Variants in ZC3H11A observed in about 807,000 individuals in gnomAD.
ZC3H11A encodes the protein zinc finger CCCH-type containing 11A.
ZC3H11A carries 22 observed loss-of-function variants against 90.8 expected under a neutral mutation model. The observed-to-expected ratio is 0.24, with a 90% confidence interval of 0.17 to 0.35. The LOEUF (loss-of-function observed/expected upper bound fraction) is 0.35, where lower values mean the gene tolerates loss of function less well. ZC3H11A is among the 10% of genes least tolerant of loss of function. The probability of loss-of-function intolerance (pLI) is 1.00; values close to 1 mark genes in which losing one functional copy is unlikely to be tolerated. For missense variants in ZC3H11A, 701 were observed against 964.9 expected (o/e 0.73, Z 3.62); for synonymous variants, 294 against 339.8 (o/e 0.87, Z 1.48).
chr1:203,814,243 C>G (rs139413988), intron 2 of ZC3H11A, among the ~76,000 whole-genome samples: 1 of 152,176 alleles, frequency 6.6e-6, no homozygotes, highest in Non-Finnish European at 1.5e-5. Context: ...ATAACCTTTC[C>G]GGCCAGGCGC....
chr1:203,837,941 TAAAC>T (rs1258237384), intron 10 of ZC3H11A, 21 bp from the exon 11 acceptor site: 3 of 1,598,362 alleles, frequency 1.9e-6, no homozygotes, highest in Non-Finnish European at 2.6e-6. Flanking sequence ...CTTGAAATCT[TAAAC>T]TAAGTTCTCC....
At chr1:203,848,231 C>T (rs1368692251) in intron 13 of ZC3H11A, 100 bp from the exon 14 acceptor site, 9 of 955,982 alleles carry the variant, frequency 9.4e-6, no homozygotes, top group East Asian at 5.0e-5. Context: ...TTTATTTGTC[C>T]TGTCTTACTA....
In ZC3H11A at chr1:203,848,426, T is replaced by C; in HGVS notation, c.1623+19T>C. On this transcript the variant is annotated intron_variant, in intron 14 of 17. Transcript: ENST00000367210. Reference sequence around the variant, plus strand: ...TAAAGAGGTAAATTTAAGATTATTGTATGGTTTTGTTCATGGCAAACAAAG... The same window carrying C: ...TAAAGAGGTAAATTTAAGATTATTGCATGGTTTTGTTCATGGCAAACAAAG... 6 of 1,589,824 alleles carry C rather than the reference T, an allele frequency of 3.8e-6. No homozygotes were observed. The highest frequency in any genetic ancestry group is 4.3e-6 in the Non-Finnish European group (5 of 1,165,064).
chr1:203,797,928 T>C, intron 1 of ZC3H11A: 2 of 1,536,132 alleles, frequency 1.3e-6, no homozygotes, highest in Non-Finnish European at 1.7e-6. Context: ...CTCCATTGTG[T>C]GGCACTTCTT....
chr1:203,827,405 G>T (rs964037129), intron 4 of ZC3H11A, among the ~76,000 whole-genome samples: 1 of 151,204 alleles, frequency 6.6e-6, no homozygotes, highest in African/African-American at 2.4e-5. Flanking sequence ...GACTGGCCGG[G>T]TGCGGTGGCT....
intron 9 of ZC3H11A, 124 bp downstream of exon 9, chr1:203,831,895 AATCTAAAGATG>A: frequency 1.4e-6 from 1 of 724,078 alleles, no homozygotes. Flanking sequence ...CTGATGAGAT[AATCTAAAGATG>A]AAAAGTTGGT....
At chr1:203,804,333 T>C (rs1284289809) in intron 2 of ZC3H11A, among the ~76,000 whole-genome samples, 1 of 152,026 alleles carries the variant, frequency 6.6e-6, no homozygotes, top group Non-Finnish European at 1.5e-5. Context: ...TTTGTATTTT[T>C]AGTAGAGACG....
intron 8 of ZC3H11A, among the ~76,000 whole-genome samples, chr1:203,831,201 C>T (rs1187759380): frequency 6.6e-6 from 1 of 151,790 alleles, no homozygotes; most frequent in African/African-American, 2.4e-5. Flanking sequence ...CGCCCAGCCC[C>T]CAGCCTTAAA....
At chr1:203,832,930 A>G (rs1355295615) in intron 9 of ZC3H11A, among the ~76,000 whole-genome samples, 3 of 152,288 alleles carry the variant, frequency 2.0e-5, no homozygotes, top group South Asian at 4.1e-4. Context: ...CTCGACTGCT[A>G]TTAATAATTA....
rs773758123 is a variant in ZC3H11A at position 203,820,274 on chromosome 1, A to G, written c.174+1585A>G. On this transcript the variant is annotated intron_variant, in intron 4 of 17. Transcript: ENST00000367210. ...AAAAGCCCAAATTCAAGTGTTGCACATAGTTGTCACGACTAGTTTTGTCTC... is the reference window on the plus strand; with the variant it reads ...AAAAGCCCAAATTCAAGTGTTGCACGTAGTTGTCACGACTAGTTTTGTCTC... Among the ~76,000 whole-genome samples, 212 of 151,146 alleles carry G rather than the reference A, an allele frequency of 1.4e-3. 1 individual carries two copies. Among genetic ancestry groups the G allele is most frequent in the Non-Finnish European group, 1.5e-4 (10 of 67,884 alleles).
At chr1:203,799,723 G>A (rs1362549457) in intron 1 of ZC3H11A, 2 of 737,380 alleles carry the variant, frequency 2.7e-6, no homozygotes, top group African/African-American at 3.5e-5. Context: ...CAAGTCAGAG[G>A]TATTACTCAG....
intron 9 of ZC3H11A, among the ~76,000 whole-genome samples, chr1:203,832,152 G>A (rs1682585675): frequency 1.3e-5 from 2 of 152,126 alleles, no homozygotes; most frequent in Non-Finnish European, 2.9e-5. Context: ...TCCGTCTTCT[G>A]GGTTCAAGCA....
chr1:203,816,414 A>C (rs939313635), intron 2 of ZC3H11A, among the ~76,000 whole-genome samples: 4 of 152,170 alleles, frequency 2.6e-5, no homozygotes, highest in African/African-American at 9.7e-5. Context: ...TGCTTGAGGC[A>C]GGAGTTCAAG....
At chr1:203,837,488 G>C (rs1684744661) in intron 10 of ZC3H11A, among the ~76,000 whole-genome samples, 1 of 147,500 alleles carries the variant, frequency 6.8e-6, no homozygotes, top group Non-Finnish European at 1.5e-5. Context: ...GGGCCTTGCT[G>C]TATCGCCCAG....
At chr1:203,798,238 C>T (rs1252269324) in intron 1 of ZC3H11A, 1 of 1,536,070 alleles carries the variant, frequency 6.5e-7, no homozygotes, top group South Asian at 1.2e-5. Context: ...GCATCTGATG[C>T]CCTAAGGGCA....
At chr1:203,850,737 A>C in intron 16 of ZC3H11A, 56 bp downstream of exon 16, 1 of 1,573,872 alleles carries the variant, frequency 6.4e-7, no homozygotes, top group Non-Finnish European at 8.6e-7. Context: ...AAAGCAGGAA[A>C]GACTAACTCT....
chr1:203,795,626 G>A lies in ZC3H11A; in HGVS notation c.-1756G>A, dbSNP rs1347796106. ...GCACTTTTACCGGCCGGGCCTTAGA[G>A]CGGAGCCTGTAGCCAGGCGCCATCT... On this transcript the variant is annotated 5_prime_UTR_variant, in exon 1 of 18. Coordinates refer to ENST00000367210, the MANE Select transcript of ZC3H11A (RefSeq NM_001376342.1). 6.6e-6 allele frequency: 1 copy of A among 152,260 alleles called. No homozygotes were observed. Among genetic ancestry groups the A allele is most frequent in the Non-Finnish European group, 1.5e-5 (1 of 68,084 alleles). The allele number at this position is 152,260 out of a possible 1,614,324, so 9.4% of individuals were successfully genotyped here.
chr1:203,815,096 C>G (rs985409546), intron 2 of ZC3H11A: 2 of 151,984 alleles, frequency 1.3e-5, no homozygotes, highest in Admixed American at 1.3e-4. Context: ...TCCCAAAGTG[C>G]TGGGATTACA....
At chr1:203,798,908 TTG>T in intron 1 of ZC3H11A, 1 of 1,536,090 alleles carries the variant, frequency 6.5e-7, no homozygotes, top group Non-Finnish European at 8.7e-7. Flanking sequence ...AGTTATATGA[TTG>T]TGTCAGAGAA....
Sources: gnomAD v4.1 joint callset for allele counts (sites outside exome capture counted in the v4.1 genomes callset) on GRCh38, gnomAD v4.1.1 for gene constraint, MANE v1.5 for transcripts, NCBI Gene and HGNC (gene_info 2026-07-23, HGNC 2026-07-21) for gene names.